XYLT2: variants seen among roughly 807,000 people sequenced by gnomAD.
XYLT2 encodes the protein UDP-D-xylose:proteoglycan core protein beta-D-xylosyltransferase.
A neutral mutation model predicts 82.6 loss-of-function variants in XYLT2; 37 were observed. The observed-to-expected ratio is 0.45, with a 90% CI of 0.34 to 0.59. XYLT2 has a LOEUF of 0.59. Among genes scored for constraint, XYLT2 ranks in the 20% least tolerant of loss-of-function variants. The pLI is 0.01. For missense variants in XYLT2, 934 were observed against 1,181.3 expected (o/e 0.79, Z 3.07); for synonymous variants, 474 against 499.0 (o/e 0.95, Z 0.67).
Position 50,354,133 on chromosome 17 carries a change from G to C in XYLT2, c.628+11G>C. 1 of 1,601,386 alleles carries C rather than the reference G, an allele frequency of 6.2e-7. No individual in the cohort carries two copies. Among genetic ancestry groups the C allele is most frequent in the Non-Finnish European group, 8.5e-7 (1 of 1,179,896 alleles). ...ACTGTCAGCTGACTGGTGAGGGACA[G>C]GGGTGCTCCAGCCCTTCCCAGGCGG... On this transcript the variant is annotated intron_variant, in intron 2 of 10. Coordinates refer to ENST00000017003, the MANE Select transcript of XYLT2 (RefSeq NM_022167.4).
chr17:50,358,111 AG>A, intron 9 of XYLT2, 95 bp from the exon 10 acceptor site: 1 of 1,167,008 alleles, frequency 8.6e-7, no homozygotes, highest in Non-Finnish European at 1.2e-6. Context: ...AGAAAGAGAC[AG>A]TGACTGGCCT....
rs1021987791 is a variant in XYLT2 at position 50,360,837 on chromosome 17, G to A, written c.*546G>A. 6.1e-6 allele frequency: 6 copies of A among 985,878 alleles called. No individual in the cohort carries two copies. The African/African-American group carries it at 7.0e-5, about 11-fold the overall frequency. 61.1% of individuals were successfully genotyped at this position (985,878 alleles called of 1,614,324 possible). A position where few individuals can be genotyped will look rare whatever the true frequency, so the allele number is the denominator to read the frequency against. ...AGTGCCCTGCCAGGCTCTAAGGCCC[G>A]AAGAACAGGTGATATCGGGGGCGCT... On this transcript the variant is annotated 3_prime_UTR_variant, in exon 11 of 11. Coordinates refer to ENST00000017003, the MANE Select transcript of XYLT2 (RefSeq NM_022167.4).
chr17:50,346,515 C>A lies in XYLT2; in HGVS notation c.135+240C>A. ...ACCCGGGCCCTGGTGGATTGGGAGT[C>A]GGGCGGGGGGAGCAGGTCATGCTAG... On this transcript the variant is annotated intron_variant, in intron 1 of 10. Coordinates refer to ENST00000017003, the MANE Select transcript of XYLT2 (RefSeq NM_022167.4). The surrounding 1 kb of genome is among the most constrained non-coding windows in gnomAD (Gnocchi z 5.1). 1 of 873,926 alleles carries A rather than the reference C, an allele frequency of 1.1e-6. No homozygotes were observed. The allele number at this position is 873,926 out of a possible 1,614,324, so 54.1% of individuals were successfully genotyped here.
At chr17:50,358,130 C>T in intron 9 of XYLT2, 77 bp from the exon 10 acceptor site, 1 of 1,338,278 alleles carries the variant, frequency 7.5e-7, no homozygotes, top group Non-Finnish European at 1.0e-6. Flanking sequence ...CCTGAGATTA[C>T]ACAGTGAGAG....
chr17:50,355,353 C>T, intron 4 of XYLT2, 148 bp from the exon 5 acceptor site: 1 of 864,994 alleles, frequency 1.2e-6, no homozygotes, highest in South Asian at 1.6e-5. Context: ...TCAGGGGCCT[C>T]TGGTGCTCAC....
At chr17:50,351,803 C>G (rs950493647) in intron 1 of XYLT2, among the ~76,000 whole-genome samples, 1 of 152,060 alleles carries the variant, frequency 6.6e-6, no homozygotes, top group African/African-American at 2.4e-5. Context: ...TGTGAGATGT[C>G]AAGGAGGCTG....
At position 50,356,276 on chromosome 17, in the gene XYLT2, C is replaced by T; in HGVS notation, c.1482+15C>T. On this transcript the variant is annotated intron_variant, in intron 7 of 10. Coordinates refer to ENST00000017003, the MANE Select transcript of XYLT2 (RefSeq NM_022167.4). ...TCCGGCTGCAGGTGCTTGCCCGAGG[C>T]CCCAAGGCCCCTGGCTAGGTCTTCT... The T allele has an allele frequency of 6.2e-7, 1 of 1,610,668 alleles. No homozygotes were observed. Among genetic ancestry groups the T allele is most frequent in the Non-Finnish European group, 8.5e-7 (1 of 1,177,270 alleles).
At position 50,354,889 on chromosome 17, in the gene XYLT2, G is replaced by A. The variant is rs766917700; in HGVS notation, c.840G>A (p.Leu280=). The stretch of plus-strand genomic sequence containing the variant: ...ACCTGCACCGGGAGGTGGTGGAGCT[G>A]GCCCAGGGCTATGATAACGTGCGGG... ...SDYLHREVVE[L]AQGYDNVRVT... Residue 280 remains leucine (L), a synonymous_variant, in exon 4 of 11, where the codon CTG becomes CTA. Transcript: ENST00000017003. 9.9e-6 allele frequency: 16 copies of A among 1,612,688 alleles called. No homozygotes were observed. The highest frequency in any genetic ancestry group is 3.3e-4 in the Middle Eastern group (2 of 6,074).
intron 1 of XYLT2, among the ~76,000 whole-genome samples, chr17:50,352,120 C>G (rs1428419777): frequency 6.6e-6 from 1 of 152,190 alleles, no homozygotes; most frequent in Non-Finnish European, 1.5e-5. Flanking sequence ...GGACTTAGTC[C>G]TGGAGAACTT....
intron 1 of XYLT2, among the ~76,000 whole-genome samples, chr17:50,350,851 A>T (rs1022806308): frequency 3.9e-5 from 6 of 152,062 alleles, no homozygotes; most frequent in African/African-American, 1.4e-4. Context: ...GGAGGCAAGG[A>T]GTGTGAGCAG....
chr17:50,347,099 C>T (rs1912074945), intron 1 of XYLT2, among the ~76,000 whole-genome samples: 1 of 152,174 alleles, frequency 6.6e-6, no homozygotes, highest in African/African-American at 2.4e-5. Context: ...GATGTGGTTT[C>T]AGCGGGAGGC....
intron 1 of XYLT2, among the ~76,000 whole-genome samples, chr17:50,351,714 A>T (rs1357025820): frequency 1.3e-5 from 2 of 152,312 alleles, no homozygotes; most frequent in East Asian, 3.9e-4. Context: ...GATGGGGAAG[A>T]TGAAGTAGGA....
chr17:50,354,346 C>T, intron 2 of XYLT2, 62 bp from the exon 3 acceptor site: 2 of 1,531,426 alleles, frequency 1.3e-6, no homozygotes, highest in Non-Finnish European at 1.7e-6. Flanking sequence ...CTCCCTCTTC[C>T]CATCTCACCC....
At chr17:50,349,273 TCA>T (rs1466455412) in intron 1 of XYLT2, among the ~76,000 whole-genome samples, 1 of 152,196 alleles carries the variant, frequency 6.6e-6, no homozygotes. Context: ...TGTAGCCAGC[TCA>T]CATGTCACCA....
At position 50,360,112 on chromosome 17, in the gene XYLT2, G is replaced by A. The variant is rs1490328262; in HGVS notation, c.2419G>A (p.Ala807Thr). The change falls in exon 11 of 11, where the codon GCG becomes ACG. Residue 807 changes from alanine to threonine, a missense_variant. Ala to Thr is a moderately conservative substitution (Grantham distance 58). Coordinates refer to ENST00000017003, the MANE Select transcript of XYLT2 (RefSeq NM_022167.4). ...AQRHTQLTGP[A>T]LEAWTDRELS... ...GCGGCACACACAGCTCACAGGCCCT[G>A]CGCTCGAGGCCTGGACAGACAGGGA... The A allele has an allele frequency of 1.9e-6, 3 of 1,613,938 alleles. No individual in the cohort carries two copies. Among genetic ancestry groups the A allele is most frequent in the South Asian group, 1.1e-5 (1 of 91,092 alleles).
At chr17:50,351,559 A>C (rs909494555) in intron 1 of XYLT2, among the ~76,000 whole-genome samples, 4 of 152,106 alleles carry the variant, frequency 2.6e-5, no homozygotes, top group Non-Finnish European at 4.4e-5. Flanking sequence ...ACTTGAACCC[A>C]GGAGGCAGAG....
chr17:50,355,423 A>G, intron 4 of XYLT2, 78 bp from the exon 5 acceptor site: 1 of 1,501,320 alleles, frequency 6.7e-7, no homozygotes, highest in Non-Finnish European at 9.2e-7. Context: ...GCAGAGAAGA[A>G]AAGCCAGAAG....
chr17:50,353,160 C>T (rs922481851), intron 1 of XYLT2, among the ~76,000 whole-genome samples: 5 of 152,158 alleles, frequency 3.3e-5, no homozygotes, highest in African/African-American at 1.2e-4. Flanking sequence ...AGTCTTCCCA[C>T]ATGGAAATGC....
At chr17:50,351,070 A>G (rs929062976) in intron 1 of XYLT2, among the ~76,000 whole-genome samples, 3 of 152,126 alleles carry the variant, frequency 2.0e-5, no homozygotes, top group Non-Finnish European at 4.4e-5. Flanking sequence ...GGCTCCTGTA[A>G]GGGCCTTGGT....
Sources: gnomAD v4.1 joint callset for allele counts (sites outside exome capture counted in the v4.1 genomes callset) on GRCh38, gnomAD v4.1.1 for gene constraint, Gnocchi (gnomAD v3.1) non-coding constraint, MANE v1.5 for transcripts, NCBI Gene and HGNC (gene_info 2026-07-23, HGNC 2026-07-21) for gene names.